DISC1: variants seen among roughly 807,000 people sequenced by gnomAD.
DISC1 encodes disrupted in schizophrenia 1 protein.
Under a neutral mutation model 84.5 loss-of-function variants are expected in DISC1, and 57 were observed. The ratio of observed to expected loss-of-function variants is 0.67; its 90% CI spans 0.55 to 0.84. DISC1 has a LOEUF of 0.84. DISC1 is among the 40% of genes least tolerant of loss of function. The probability of loss-of-function intolerance (pLI) is 0.00; values close to 1 mark genes in which losing one functional copy is unlikely to be tolerated. For missense variants in DISC1, 1,000 were observed against 1,057.8 expected (o/e 0.95, Z 0.76); for synonymous variants, 411 against 415.2 (o/e 0.99, Z 0.12).
chr1:231,866,745 G>T, intron 9 of DISC1: 1 of 1,326,378 alleles, frequency 7.5e-7, no homozygotes, highest in Non-Finnish European at 9.7e-7. Flanking sequence ...GTCGTGCTTT[G>T]TATGGATTCT....
chr1:231,979,434 A>G (rs1663288533), intron 10 of DISC1, among the ~76,000 whole-genome samples: 1 of 151,842 alleles, frequency 6.6e-6, no homozygotes, highest in African/African-American at 2.4e-5. Context: ...CATTAGTCGA[A>G]TCTAGAAAAT....
chr1:231,918,059 G>A (rs2089757089), intron 9 of DISC1, among the ~76,000 whole-genome samples: 2 of 152,322 alleles, frequency 1.3e-5, no homozygotes, highest in African/African-American at 4.8e-5. Flanking sequence ...TCATGACTTT[G>A]TCCTCACAGT....
intron 9 of DISC1, among the ~76,000 whole-genome samples, chr1:231,935,133 G>A (rs2090902070): frequency 6.6e-6 from 1 of 152,166 alleles, no homozygotes; most frequent in Non-Finnish European, 1.5e-5. Context: ...GGACTTTCTG[G>A]GGAGCACTGA....
intron 9 of DISC1, among the ~76,000 whole-genome samples, chr1:231,922,671 C>T (rs2090081173): frequency 6.6e-6 from 1 of 151,770 alleles, no homozygotes; most frequent in Non-Finnish European, 1.5e-5. Flanking sequence ...CCACCCAGCC[C>T]TCCAGGCCAG....
chr1:231,713,766 TATATATATAGGAG>T lies in DISC1; in HGVS notation c.1117+11752_1117+11764del, dbSNP rs1558401413. Among the ~76,000 whole-genome samples the T allele has an allele frequency of 5.6e-5, 8 of 143,912 alleles. No individual in the cohort carries two copies. In the East Asian group the frequency reaches 6.0e-4, roughly 11 times the overall value. 94.4% of individuals were successfully genotyped at this position (143,912 alleles called of 152,430 possible). A position where few individuals can be genotyped will look rare whatever the true frequency, so the allele number is the denominator to read the frequency against. ...ATATAGGAGATATATATATAGGAGA[TATATATATAGGAG>T]ATATATATATAGGAGATATATATAT... On this transcript the variant is annotated intron_variant, in intron 3 of 12. Transcript: ENST00000439617.
chr1:232,024,960 G>A (rs1669312116), intron 11 of DISC1, among the ~76,000 whole-genome samples: 1 of 152,176 alleles, frequency 6.6e-6, no homozygotes, highest in East Asian at 1.9e-4. Context: ...TTACATTTAA[G>A]TTTTAATTCT....
chr1:231,679,661 C>G (rs1245951547), intron 1 of DISC1, among the ~76,000 whole-genome samples: 3 of 152,174 alleles, frequency 2.0e-5, no homozygotes, highest in Non-Finnish European at 4.4e-5. Flanking sequence ...AGAGGCATTA[C>G]AGAGGCAAGA....
In DISC1 at chr1:231,795,430, C is replaced by T. The variant is rs186648802; in HGVS notation, c.1689+134C>T. ...ACTTTGTCAAGCCATTTTGCAGGCC[C>T]AATGATGAGTTAAAAGAGCCAGGAG... On this transcript the variant is annotated intron_variant, in intron 7 of 12. Transcript: ENST00000439617. 9 of 748,312 alleles carry T rather than the reference C, an allele frequency of 1.2e-5. No homozygotes were observed. The East Asian group carries it at 1.3e-4, about 11-fold the overall frequency. 46.4% of individuals were successfully genotyped at this position (748,312 alleles called of 1,614,324 possible). A position where few individuals can be genotyped will look rare whatever the true frequency, so the allele number is the denominator to read the frequency against.
intron 10 of DISC1, among the ~76,000 whole-genome samples, chr1:231,960,701 C>T (rs1440247584): frequency 6.6e-6 from 1 of 152,222 alleles, no homozygotes; most frequent in Non-Finnish European, 1.5e-5. Flanking sequence ...AAAAAGTAAG[C>T]AATCAGTTCT....
intron 12 of DISC1, 85 bp downstream of exon 12, chr1:232,026,637 A>T: frequency 2.2e-6 from 2 of 907,540 alleles, no homozygotes; most frequent in Non-Finnish European, 1.8e-6. Context: ...ATGCCTCAGA[A>T]GATGGCAACA....
chr1:231,746,574 A>G (rs1167751396), intron 3 of DISC1, among the ~76,000 whole-genome samples: 3 of 152,224 alleles, frequency 2.0e-5, no homozygotes, highest in Non-Finnish European at 2.9e-5. Flanking sequence ...CCAACAATGT[A>G]TAAGAGTTCC....
intron 10 of DISC1, among the ~76,000 whole-genome samples, chr1:231,973,404 T>G (rs1662310154): frequency 6.6e-6 from 1 of 152,214 alleles, no homozygotes; most frequent in African/African-American, 2.4e-5. Flanking sequence ...GGCTACAACC[T>G]CATGCAAAGG....
intron 6 of DISC1, among the ~76,000 whole-genome samples, chr1:231,794,634 C>T (rs574981979): frequency 2.0e-5 from 3 of 152,188 alleles, no homozygotes; most frequent in South Asian, 4.2e-4. Context: ...AACAGACAGT[C>T]GCTGCCTTCA....
At chr1:231,651,777 A>G (rs1171669880) in intron 1 of DISC1, among the ~76,000 whole-genome samples, 1 of 152,116 alleles carries the variant, frequency 6.6e-6, no homozygotes, top group African/African-American at 2.4e-5. Flanking sequence ...TTGTTTACCT[A>G]CTCAAGCCTC....
At chr1:231,833,389 T>C (rs952456185) in intron 9 of DISC1, among the ~76,000 whole-genome samples, 2 of 151,476 alleles carry the variant, frequency 1.3e-5, no homozygotes, top group African/African-American at 4.9e-5. Context: ...GGGAAGGACT[T>C]ACCCTCCACT....
At chr1:231,925,686 G>A (rs1386935570) in intron 9 of DISC1, 1 of 152,172 alleles carries the variant, frequency 6.6e-6, no homozygotes, top group East Asian at 1.9e-4. Flanking sequence ...CCTTGATTTA[G>A]GATGGGCCCT....
intron 1 of DISC1, among the ~76,000 whole-genome samples, chr1:231,661,877 A>G (rs1193868944): frequency 6.6e-6 from 1 of 152,214 alleles, no homozygotes; most frequent in Non-Finnish European, 1.5e-5. Context: ...TTGTGGGCTT[A>G]TCTACCTTCA....
intron 2 of DISC1, among the ~76,000 whole-genome samples, chr1:231,696,771 A>G (rs2065766808): frequency 6.6e-6 from 1 of 152,258 alleles, no homozygotes; most frequent in Admixed American, 6.5e-5. Context: ...ACAGGTTTGT[A>G]GCCAAGGAGC....
At chr1:231,699,424 G>A (rs1329751859) in intron 2 of DISC1, among the ~76,000 whole-genome samples, 1 of 150,658 alleles carries the variant, frequency 6.6e-6, no homozygotes, top group Non-Finnish European at 1.5e-5. Context: ...CAGTGGGTCA[G>A]AAAAAAAAAC....
Sources: gnomAD v4.1 joint callset for allele counts (sites outside exome capture counted in the v4.1 genomes callset) on GRCh38, gnomAD v4.1.1 for gene constraint, MANE v1.5 for transcripts, NCBI Gene and HGNC (gene_info 2026-07-23, HGNC 2026-07-21) for gene names.